The following ORC4 variants were observed in gnomAD, a reference collection of about 807,000 sequenced individuals.
ORC4 encodes origin recognition complex, subunit 4 homolog.
A neutral mutation model predicts 63.9 loss-of-function variants in ORC4; 55 were observed. That is an observed-to-expected ratio of 0.86 (90% confidence interval 0.69 to 1.08). The LOEUF is 1.08. Ranked by LOEUF, ORC4 falls within the 50% of genes least tolerant of loss-of-function variation. The probability of loss-of-function intolerance (pLI) is 0.00; values close to 1 mark genes in which losing one functional copy is unlikely to be tolerated. For missense variants in ORC4, 511 were observed against 504.4 expected, an observed-to-expected ratio of 1.01 and a Z score of -0.13; for synonymous variants, 150 against 168.5, an observed-to-expected ratio of 0.89 and a Z score of 0.85.
intron 4 of ORC4, among the ~76,000 whole-genome samples, chr2:147,960,708 T>G (rs1001982109): frequency 6.6e-6 from 1 of 152,210 alleles, no homozygotes; most frequent in Non-Finnish European, 1.5e-5. Flanking sequence ...CAAATTTGTC[T>G]ACAGTAAATT....
rs1687680695 is a variant in ORC4 at position 147,930,848 on chromosome 2, TTAGC to T, written c.*4658_*4661del. 2.1e-5 allele frequency: 3 copies of T among 141,700 alleles called. No individual in the cohort carries two copies. The highest frequency in any genetic ancestry group is 4.5e-5 in the Non-Finnish European group (3 of 66,138). 8.8% of individuals were successfully genotyped at this position (141,700 alleles called of 1,614,324 possible). On this transcript the variant is annotated 3_prime_UTR_variant, in exon 14 of 14. Transcript: ENST00000392857. ...TATGATTTGCATATGCAGTTTTTCT[TTAGC>T]TATGTTTTTTTTTTTTTTTATACTT...
chr2:147,979,786 C>T (rs1020548345), intron 1 of ORC4, among the ~76,000 whole-genome samples: 1 of 152,100 alleles, frequency 6.6e-6, no homozygotes, highest in African/African-American at 2.4e-5. Flanking sequence ...TTACAGTTGA[C>T]TTATGTTCAA....
At chr2:148,014,999 T>G (rs1365826934) in intron 1 of ORC4, among the ~76,000 whole-genome samples, 2 of 151,982 alleles carry the variant, frequency 1.3e-5, no homozygotes, top group African/African-American at 2.4e-5. Flanking sequence ...ACCAATATCT[T>G]TAAAAAGATA....
intron 1 of ORC4, among the ~76,000 whole-genome samples, chr2:147,990,360 T>C (rs953670472): frequency 8.5e-5 from 13 of 152,248 alleles, no homozygotes; most frequent in Admixed American, 3.9e-4. Flanking sequence ...AAGCTGTTTT[T>C]CAGTCCATCA....
chr2:148,013,649 T>C (rs1465157419), intron 1 of ORC4, among the ~76,000 whole-genome samples: 1 of 152,194 alleles, frequency 6.6e-6, no homozygotes, highest in Non-Finnish European at 1.5e-5. Context: ...GATTTGATCA[T>C]TACACATTGT....
At chr2:147,991,911 T>C (rs1045035289) in intron 1 of ORC4, among the ~76,000 whole-genome samples, 1 of 152,216 alleles carries the variant, frequency 6.6e-6, no homozygotes, top group Non-Finnish European at 1.5e-5. Flanking sequence ...AAAGTATCAA[T>C]TCTGCAGTAG....
In ORC4 at chr2:147,939,177, T is replaced by C. The variant is rs370435785; in HGVS notation, c.921A>G (p.Gln307=). Residue 307 remains glutamine (Q), a synonymous_variant, in exon 11 of 14, where the codon CAA becomes CAG. Coordinates refer to ENST00000392857, the MANE Select transcript of ORC4 (RefSeq NM_181741.4). ...TTGCTTTCGAGTCCATGCTACACAGTTGGCTTGCTTCCATTAGATCTACGG... is the reference window on the plus strand; with the variant it reads ...TTGCTTTCGAGTCCATGCTACACAGCTGGCTTGCTTCCATTAGATCTACGG... ...MTAVDLMEAS[Q]LCSMDSKANI... 2 of 1,612,700 alleles carry C rather than the reference T, an allele frequency of 1.2e-6. No homozygotes were observed. Among genetic ancestry groups the C allele is most frequent in the South Asian group, 1.1e-5 (1 of 91,070 alleles).
intron 4 of ORC4, among the ~76,000 whole-genome samples, chr2:147,972,469 T>C (rs1220558266): frequency 4.6e-5 from 7 of 152,184 alleles, no homozygotes; most frequent in East Asian, 3.9e-4. Flanking sequence ...AAAGACCATG[T>C]TGGAACAAAC....
intron 1 of ORC4, among the ~76,000 whole-genome samples, chr2:147,993,520 C>T (rs1388204462): frequency 2.0e-5 from 3 of 152,110 alleles, no homozygotes; most frequent in Admixed American, 6.5e-5. Flanking sequence ...GCAAAAAGCA[C>T]AGGAGACTAA....
chr2:147,974,529 G>C (rs1025009908), intron 2 of ORC4, among the ~76,000 whole-genome samples: 1 of 151,782 alleles, frequency 6.6e-6, no homozygotes, highest in African/African-American at 2.4e-5. Context: ...CAGCTACTTG[G>C]GAGGCTGAGG....
At chr2:147,994,669 G>T (rs1326770564) in intron 1 of ORC4, among the ~76,000 whole-genome samples, 3 of 152,138 alleles carry the variant, frequency 2.0e-5, no homozygotes, top group Non-Finnish European at 4.4e-5. Context: ...GACCTTACAA[G>T]TTTCACACAC....
At chr2:147,943,342 G>C in intron 10 of ORC4, 94 bp downstream of exon 10, 1 of 803,838 alleles carries the variant, frequency 1.2e-6, no homozygotes, top group Non-Finnish European at 2.2e-6. Flanking sequence ...CTTAAGGCCA[G>C]GAGTTCGCAA....
chr2:147,952,565 T>A (rs761748711), intron 7 of ORC4, 41 bp from the exon 8 acceptor site: 1 of 1,459,374 alleles, frequency 6.9e-7, no homozygotes, highest in Non-Finnish European at 9.6e-7. Flanking sequence ...AGAAATTATA[T>A]CCACCTTTCC....
At chr2:148,003,452 T>C (rs1476610055) in intron 1 of ORC4, among the ~76,000 whole-genome samples, 2 of 152,132 alleles carry the variant, frequency 1.3e-5, no homozygotes, top group Middle Eastern at 6.3e-3. Flanking sequence ...GCAAGGCTGG[T>C]TCAACATATG....
At chr2:147,996,711 T>C (rs567553169) in intron 1 of ORC4, among the ~76,000 whole-genome samples, 11 of 152,112 alleles carry the variant, frequency 7.2e-5, no homozygotes, top group South Asian at 6.2e-4. Context: ...TGAGATACCA[T>C]TGCACACCTA....
intron 10 of ORC4, among the ~76,000 whole-genome samples, chr2:147,942,679 G>A (rs1688431787): frequency 6.6e-6 from 1 of 151,874 alleles, no homozygotes; most frequent in South Asian, 2.1e-4. Flanking sequence ...TCCTAAGACT[G>A]GGAACAAGAA....
intron 4 of ORC4, among the ~76,000 whole-genome samples, chr2:147,962,861 G>A (rs1689684473): frequency 6.6e-6 from 1 of 152,024 alleles, no homozygotes; most frequent in Admixed American, 6.5e-5. Flanking sequence ...ATCAGAGCCT[G>A]AAAAATAGCC....
chr2:147,952,454 G>A lies in ORC4; in HGVS notation c.507C>T (p.Asn169=), dbSNP rs200458546. The part of the protein sequence containing the change: ...DEFDLFAHHK[N]QTLLYNLFDI... Reference sequence around the variant, plus strand: ...CAAAAAGATTATAGAGAAGTGTTTGGTTTTTATGATGAGCAAAAAGATCAA... The same window carrying A: ...CAAAAAGATTATAGAGAAGTGTTTGATTTTTATGATGAGCAAAAAGATCAA... Residue 169 remains asparagine (N), a synonymous_variant, in exon 8 of 14, where the codon AAC becomes AAT. Coordinates refer to ENST00000392857, the MANE Select transcript of ORC4 (RefSeq NM_181741.4). 1.2e-5 allele frequency: 20 copies of A among 1,610,978 alleles called. No homozygotes were observed. In the East Asian group the frequency reaches 4.2e-4, roughly 34 times the overall value.
At chr2:147,973,953 C>T (rs1317722562) in intron 2 of ORC4, among the ~76,000 whole-genome samples, 3 of 152,142 alleles carry the variant, frequency 2.0e-5, no homozygotes, top group East Asian at 1.9e-4. Context: ...CCATTAAAGT[C>T]GTTCCTTTTT....
Sources: allele counts gnomAD v4.1 joint callset (sites outside exome capture counted in the v4.1 genomes callset), GRCh38; gene constraint gnomAD v4.1.1; transcripts MANE v1.5; gene names NCBI Gene and HGNC (gene_info 2026-07-23, HGNC 2026-07-21).